CHAT: variants seen among roughly 807,000 people sequenced by gnomAD.
CHAT encodes choline O-acetyltransferase, also known as acetyl CoA:choline O-acetyltransferase.
CHAT carries 61 observed loss-of-function variants against 76.9 expected under a neutral mutation model. The observed-to-expected ratio is 0.79, with a 90% CI of 0.65 to 0.98. The LOEUF (loss-of-function observed/expected upper bound fraction) is 0.98, where lower values mean the gene tolerates loss of function less well. Among genes scored for constraint, CHAT ranks in the 50% least tolerant of loss-of-function variants. The pLI is 0.00. For synonymous variants in CHAT, 407 were observed against 397.4 expected (o/e 1.02, Z -0.29); for missense variants, 946 against 986.9 (o/e 0.96, Z 0.56).
At chr10:49,657,303 T>G (rs1840064989) in intron 13 of CHAT, among the ~76,000 whole-genome samples, 1 of 152,162 alleles carries the variant, frequency 6.6e-6, no homozygotes, top group African/African-American at 2.4e-5. Context: ...GGCTGAACAC[T>G]GTGTACAGCC....
chr10:49,612,162 C>G, upstream of CHAT: 3 of 1,611,078 alleles, frequency 1.9e-6, no homozygotes, highest in Non-Finnish European at 2.5e-6. Context: ...ACGTGGGCCT[C>G]CTGACGCGCT....
chr10:49,616,122 GA>G, intron 1 of CHAT: 1 of 1,590,938 alleles, frequency 6.3e-7, no homozygotes, highest in Non-Finnish European at 8.6e-7. Flanking sequence ...AAGCTAGTGG[GA>G]AAGAGAGAGT....
In CHAT at chr10:49,619,837, A is replaced by G; in HGVS notation, c.500A>G (p.Gln167Arg). Residue 167 changes from glutamine to arginine, a missense_variant, in exon 3 of 15, where the codon CAG becomes CGG. By Grantham distance (43) the Gln-to-Arg change is conservative. Transcript: ENST00000337653. ...TTCAGGAAGAGCCAGGCCATTGTGC[A>G]GCAGTTTGGGGCCCCTGGTGGCCTC... is the stretch of plus-strand genomic sequence containing the variant. Reference protein sequence around the residue: ...EQFRKSQAIVQQFGAPGGLGE... With the variant: ...EQFRKSQAIVRQFGAPGGLGE... 3.7e-6 allele frequency: 6 copies of G among 1,613,934 alleles called. No homozygotes were observed. Among genetic ancestry groups the G allele is most frequent in the East Asian group, 2.2e-5 (1 of 44,874 alleles).
At chr10:49,660,579 C>T (rs1304703175) in intron 13 of CHAT, among the ~76,000 whole-genome samples, 10 of 152,164 alleles carry the variant, frequency 6.6e-5, no homozygotes, top group Non-Finnish European at 1.5e-4. Flanking sequence ...AGCTAAAAGA[C>T]TGTAAGGAAT....
intron 8 of CHAT, 147 bp from the exon 9 acceptor site, chr10:49,648,360 C>T: frequency 1.4e-6 from 1 of 699,614 alleles, no homozygotes; most frequent in Non-Finnish European, 2.6e-6. Context: ...ACTGCAATCA[C>T]ATGCAGTGTT....
chr10:49,609,719 C>T (rs947296693), upstream of CHAT, among the ~76,000 whole-genome samples: 6 of 152,074 alleles, frequency 3.9e-5, no homozygotes, highest in African/African-American at 1.4e-4. Context: ...GCCTTCCCCT[C>T]CCCTCCTGGC....
chr10:49,617,735 C>G (rs3793789), intron 2 of CHAT, among the ~76,000 whole-genome samples: 16,131 of 151,806 alleles, frequency 0.11, 930 homozygotes, highest in Middle Eastern at 0.16. Context: ...ATCACACAGA[C>G]CACCCCCCCC....
chr10:49,614,010 T>G, upstream of CHAT: 11 of 1,120,632 alleles, frequency 9.8e-6, no homozygotes, highest in Non-Finnish European at 1.4e-5. Context: ...GCTGGAATAA[T>G]GGGGTTGGGG....
At chr10:49,610,571 C>G, upstream of CHAT, 1 of 600,702 alleles carries the variant, frequency 1.7e-6, no homozygotes, top group East Asian at 3.2e-5. Flanking sequence ...GGACGGAGTC[C>G]TTTCCTTTCC....
intron 7 of CHAT, among the ~76,000 whole-genome samples, chr10:49,646,119 C>A (rs962597467): frequency 6.6e-6 from 1 of 152,260 alleles, no homozygotes; most frequent in Non-Finnish European, 1.5e-5. Context: ...ACAGGAGCCC[C>A]AGTGGAGGGT....
chr10:49,629,995 C>G (rs139636456), intron 7 of CHAT, among the ~76,000 whole-genome samples: 1 of 152,170 alleles, frequency 6.6e-6, no homozygotes, highest in Admixed American at 6.5e-5. Context: ...TTATCCGAGC[C>G]GTGAGTGGAT....
chr10:49,655,267 A>G (rs1341528972), intron 12 of CHAT, 31 bp downstream of exon 12: 41 of 1,613,910 alleles, frequency 2.5e-5, no homozygotes, highest in Non-Finnish European at 3.4e-5. Context: ...CGGCCACAGG[A>G]AACCAGTGAG....
At chr10:49,644,162 G>A (rs931522850) in intron 7 of CHAT, among the ~76,000 whole-genome samples, 1 of 152,230 alleles carries the variant, frequency 6.6e-6, no homozygotes, top group Admixed American at 6.5e-5. Flanking sequence ...GGAGCTCAGG[G>A]AGGGCTGTCA....
chr10:49,623,611 C>T (rs1838807586), intron 5 of CHAT, among the ~76,000 whole-genome samples: 1 of 152,206 alleles, frequency 6.6e-6, no homozygotes, highest in Non-Finnish European at 1.5e-5. Flanking sequence ...ACTCGCTCAT[C>T]CAAGCCTCAG....
chr10:49,611,320 A>G, upstream of CHAT: 2 of 1,604,962 alleles, frequency 1.2e-6, no homozygotes, highest in Non-Finnish European at 1.7e-6. Flanking sequence ...CTTCGCCGAC[A>G]CGTCTGGCAT....
intron 8 of CHAT, chr10:49,648,077 T>A: frequency 4.4e-6 from 1 of 229,442 alleles, no homozygotes; most frequent in Non-Finnish European, 8.7e-6. Flanking sequence ...GGGAAGTGAG[T>A]TTCTTTGTAG....
rs538501065 is a variant in CHAT at position 49,651,732 on chromosome 10, T to G, written c.1512-152T>G. On this transcript the variant is annotated intron_variant, in intron 10 of 14. Coordinates refer to ENST00000337653, the MANE Select transcript of CHAT (RefSeq NM_020549.5). ...ACTTTCATAGGTCAAGGCATGTCTC[T>G]GACACCTCAGTGCACTCCTGAAGGG... 1.5e-5 allele frequency: 11 copies of G among 720,022 alleles called. No homozygotes were observed. The East Asian group carries it at 2.7e-4, about 18-fold the overall frequency. 44.6% of individuals were successfully genotyped at this position (720,022 alleles called of 1,614,324 possible). A position where few individuals can be genotyped will look rare whatever the true frequency, so the allele number is the denominator to read the frequency against.
At chr10:49,633,551 G>A (rs1350767791) in intron 7 of CHAT, among the ~76,000 whole-genome samples, 63 of 152,200 alleles carry the variant, frequency 4.1e-4, no homozygotes. Context: ...TCTGAAGACA[G>A]GCTTGGGGCC....
intron 1 of CHAT, among the ~76,000 whole-genome samples, chr10:49,614,897 T>A (rs1427731966): frequency 6.6e-6 from 1 of 152,190 alleles, no homozygotes; most frequent in African/African-American, 2.4e-5. Context: ...ACATAGCCGA[T>A]GACAGCCTGT....
Sources: allele counts gnomAD v4.1 joint callset (sites outside exome capture counted in the v4.1 genomes callset), GRCh38; gene constraint gnomAD v4.1.1; transcripts MANE v1.5; gene names NCBI Gene and HGNC (gene_info 2026-07-23, HGNC 2026-07-21).